ATE1: variants seen among roughly 807,000 people sequenced by gnomAD.
ATE1 encodes the protein arginyltransferase 1, also known as arginyl-tRNA--protein transferase 1.
In ATE1, 36 loss-of-function variants were observed where a neutral mutation model predicts 70.5. The ratio of observed to expected loss-of-function variants is 0.51; its 90% CI spans 0.39 to 0.67. ATE1 has a LOEUF of 0.67. Ranked by LOEUF, ATE1 falls within the 30% of genes least tolerant of loss-of-function variation. The pLI, the probability that ATE1 is intolerant of heterozygous loss-of-function variation, is 0.00. For synonymous variants in ATE1, 232 were observed against 219.3 expected, an observed-to-expected ratio of 1.06 and a Z score of -0.51; for missense variants, 593 against 629.5, an observed-to-expected ratio of 0.94 and a Z score of 0.62.
intron 5 of ATE1, among the ~76,000 whole-genome samples, chr10:121,902,986 C>T (rs1421618205): frequency 6.8e-6 from 1 of 147,342 alleles, no homozygotes; most frequent in African/African-American, 2.5e-5. Flanking sequence ...CTGCCTCAAC[C>T]TCCCGAGTAG....
In ATE1 at chr10:121,911,083, T is replaced by G; in HGVS notation, c.406A>C (p.Ile136Leu). 6.2e-7 allele frequency: 1 copy of G among 1,612,262 alleles called. No individual in the cohort carries two copies. Among genetic ancestry groups the G allele is most frequent in the Non-Finnish European group, 8.5e-7 (1 of 1,179,702 alleles). ...GDFALINKLD[I>L]QCDLKTLSDD... ...CTGAGTGTTTTAAGATCACACTGTA[T>G]ATCCAGTTTATTTATCAATGCAAAG... The change falls in exon 5 of 12, where the codon ATA becomes CTA. Residue 136 changes from isoleucine to leucine, a missense_variant. This residue lies in a region of ATE1 where 467 missense variants were observed against 469.6 expected (regional missense o/e 0.99). Coordinates refer to ENST00000224652, the MANE Select transcript of ATE1 (RefSeq NM_001001976.3).
At chr10:121,791,055 CGTGT>C (rs71189171) in intron 10 of ATE1, among the ~76,000 whole-genome samples, 4,647 of 135,808 alleles carry the variant, frequency 0.034, 262 homozygotes, top group African/African-American at 0.1. Flanking sequence ...TATATGTATA[CGTGT>C]GTGTGTGTGT....
At chr10:121,767,643 A>G (rs777366273) in intron 11 of ATE1, among the ~76,000 whole-genome samples, 20 of 152,206 alleles carry the variant, frequency 1.3e-4, no homozygotes, top group Admixed American at 3.9e-4. Context: ...AGACATACAA[A>G]TGGCCAATAA....
intron 10 of ATE1, among the ~76,000 whole-genome samples, chr10:121,791,096 A>ATTT (rs10584053): frequency 0.32 from 29,925 of 94,060 alleles, 4,344 homozygotes; most frequent in South Asian, 0.41. Context: ...GTGTATATAT[A>ATTT]TTTTTTTTTT....
intron 10 of ATE1, among the ~76,000 whole-genome samples, chr10:121,802,466 G>A (rs1354269214): frequency 2.0e-5 from 3 of 151,622 alleles, no homozygotes; most frequent in East Asian, 1.9e-4. Context: ...CCACCACCAC[G>A]TCTGGCTAAT....
chr10:121,824,422 T>C (rs1455277615), intron 10 of ATE1, among the ~76,000 whole-genome samples: 2 of 152,198 alleles, frequency 1.3e-5, no homozygotes, highest in Admixed American at 1.3e-4. Flanking sequence ...GGGGTTTCAG[T>C]AGTGCATGAT....
intron 8 of ATE1, among the ~76,000 whole-genome samples, chr10:121,869,778 A>T (rs1590573198): frequency 2.6e-5 from 4 of 152,340 alleles, no homozygotes; most frequent in Admixed American, 2.6e-4. Context: ...AATATACTTA[A>T]AAAGAGGCAA....
At chr10:121,911,265 C>T in intron 4 of ATE1, 114 bp from the exon 5 acceptor site, 2 of 1,293,418 alleles carry the variant, frequency 1.5e-6, no homozygotes, top group South Asian at 2.7e-5. Flanking sequence ...ATCTGTCCAC[C>T]AAATCCATTC....
At chr10:121,827,773 A>C (rs1265207440) in intron 10 of ATE1, among the ~76,000 whole-genome samples, 1 of 152,256 alleles carries the variant, frequency 6.6e-6, no homozygotes, top group Non-Finnish European at 1.5e-5. Flanking sequence ...GACAAAAAAT[A>C]TCTATGTAAT....
intron 9 of ATE1, among the ~76,000 whole-genome samples, chr10:121,839,335 C>T (rs561179228): frequency 2.0e-5 from 3 of 152,272 alleles, no homozygotes; most frequent in African/African-American, 4.8e-5. Flanking sequence ...ATTTCAGACA[C>T]AGGCCAGAGC....
chr10:121,906,603 T>A (rs1359307329), intron 5 of ATE1, among the ~76,000 whole-genome samples: 1 of 150,580 alleles, frequency 6.6e-6, no homozygotes, highest in African/African-American at 2.4e-5. Flanking sequence ...AAATCCAAGG[T>A]TTTTTGTTTG....
intron 5 of ATE1, 109 bp from the exon 6 acceptor site, chr10:121,902,729 C>T (rs1951031317): frequency 1.8e-6 from 2 of 1,120,382 alleles, no homozygotes; most frequent in South Asian, 1.7e-5. Context: ...AATGGTTAGG[C>T]TAGCTTTGGG....
chr10:121,839,427 T>C (rs1191713509), intron 9 of ATE1, among the ~76,000 whole-genome samples: 1 of 152,116 alleles, frequency 6.6e-6, no homozygotes, highest in African/African-American at 2.4e-5. Context: ...GAAGTGATAA[T>C]ACAAAAATAA....
At chr10:121,812,274 A>G (rs1947355543) in intron 10 of ATE1, among the ~76,000 whole-genome samples, 1 of 152,162 alleles carries the variant, frequency 6.6e-6, no homozygotes. Context: ...TAACTAAAAT[A>G]TGTAGCCACG....
chr10:121,855,495 T>G (rs757977194), intron 8 of ATE1, among the ~76,000 whole-genome samples: 1 of 152,232 alleles, frequency 6.6e-6, no homozygotes, highest in Non-Finnish European at 1.5e-5. Context: ...TGAGTTTCTG[T>G]GTTTACTTGT....
intron 10 of ATE1, among the ~76,000 whole-genome samples, chr10:121,792,730 C>T (rs918213858): frequency 2.6e-5 from 4 of 152,116 alleles, no homozygotes; most frequent in African/African-American, 9.7e-5. Context: ...TAGACAGCAT[C>T]CTAAAGCTGT....
intron 10 of ATE1, among the ~76,000 whole-genome samples, chr10:121,793,226 C>T (rs543202850): frequency 7.0e-4 from 106 of 152,288 alleles, no homozygotes; most frequent in African/African-American, 2.5e-3. Context: ...ATTATCACTG[C>T]ATGTCCACTA....
chr10:121,878,514 A>T (rs1322773789), intron 7 of ATE1, among the ~76,000 whole-genome samples: 1 of 151,750 alleles, frequency 6.6e-6, no homozygotes, highest in Non-Finnish European at 1.5e-5. Context: ...AATTGCCTGA[A>T]CTCAGGAGGC....
chr10:121,870,085 G>T, intron 7 of ATE1, 47 bp from the exon 8 acceptor site: 1 of 1,562,220 alleles, frequency 6.4e-7, no homozygotes, highest in Non-Finnish European at 8.8e-7. Flanking sequence ...TAAACAGACG[G>T]CAAAAAGGAA....
Sources: gnomAD v4.1 joint callset for allele counts (sites outside exome capture counted in the v4.1 genomes callset) on GRCh38, gnomAD v4.1.1 for gene constraint, gnomAD v4.1.1 regional missense constraint, MANE v1.5 for transcripts, NCBI Gene and HGNC (gene_info 2026-07-23, HGNC 2026-07-21) for gene names.